Variants in RTTN observed in about 807,000 individuals in gnomAD.
RTTN encodes rotatin.
In RTTN, 182 loss-of-function variants were observed where a neutral mutation model predicts 269.2. The ratio of observed to expected loss-of-function variants is 0.68; its 90% CI spans 0.60 to 0.76. The LOEUF (loss-of-function observed/expected upper bound fraction) is 0.76. RTTN is among the 30% of genes least tolerant of loss of function. The pLI, the probability that RTTN is intolerant of heterozygous loss-of-function variation, is 0.00. For missense variants in RTTN, 2,545 were observed against 2,608.6 expected (o/e 0.98, Z 0.53); for synonymous variants, 1,006 against 963.5 (o/e 1.04, Z -0.82).
At chr18:70,051,579 T>G in intron 38 of RTTN, 31 bp from the exon 39 acceptor site, 1 of 1,523,396 alleles carries the variant, frequency 6.6e-7, no homozygotes, top group Non-Finnish European at 8.9e-7. Context: ...CTTCAAGTTA[T>G]TAACACAAAG....
intron 28 of RTTN, among the ~76,000 whole-genome samples, chr18:70,107,018 CTACA>C (rs2059338016): frequency 6.6e-6 from 1 of 152,102 alleles, no homozygotes; most frequent in Non-Finnish European, 1.5e-5. Context: ...AGTTTATTAC[CTACA>C]TAAACAGCAA....
chr18:70,199,938 T>C (rs1342707366), intron 4 of RTTN, among the ~76,000 whole-genome samples: 1 of 152,240 alleles, frequency 6.6e-6, no homozygotes, highest in Non-Finnish European at 1.5e-5. Flanking sequence ...TCAAATATCC[T>C]ATATGGTGTC....
At chr18:70,098,849 T>C (rs1295309629) in intron 28 of RTTN, among the ~76,000 whole-genome samples, 6 of 152,102 alleles carry the variant, frequency 3.9e-5, no homozygotes, top group African/African-American at 7.2e-5. Context: ...TGTTTCCAAG[T>C]TTTTCATTGT....
chr18:70,058,612 C>A (rs1030271809), intron 36 of RTTN, among the ~76,000 whole-genome samples: 21 of 151,980 alleles, frequency 1.4e-4, no homozygotes, highest in Non-Finnish European at 2.9e-4. Flanking sequence ...ATATGATAAG[C>A]CTTTGCCATA....
intron 13 of RTTN, 33 bp from the exon 14 acceptor site, chr18:70,166,221 A>C (rs2060982652): frequency 1.2e-6 from 2 of 1,609,490 alleles, no homozygotes; most frequent in Non-Finnish European, 1.7e-6. Context: ...AAGACATGTG[A>C]GGCAAGTAAG....
At chr18:70,197,981 C>T (rs1568557594) in intron 5 of RTTN, among the ~76,000 whole-genome samples, 1 of 152,168 alleles carries the variant, frequency 6.6e-6, no homozygotes. Context: ...CCACTAGACC[C>T]TCTCAAGAGC....
rs193073009 is a variant in RTTN, at chr18:70,121,005, C to T, written c.3528+551G>A. 3.3e-3 allele frequency among the ~76,000 whole-genome samples: 499 copies of T among 151,834 alleles called. 1 individual carries two copies. The highest frequency in any genetic ancestry group is 0.011 in the African/African-American group (468 of 41,368). ...GGCAGAGGTTGCAGTGAGCCAAGAT[C>T]GCACCATTGCATTCCAGCCTGGGTG... On this transcript the variant is annotated intron_variant, in intron 26 of 48. Transcript: ENST00000640769.
At chr18:70,101,782 G>C (rs2059174696) in intron 28 of RTTN, among the ~76,000 whole-genome samples, 2 of 152,074 alleles carry the variant, frequency 1.3e-5, no homozygotes, top group Non-Finnish European at 2.9e-5. Context: ...TTGTGTCTTT[G>C]TTCTCACTGG....
chr18:70,131,840 T>C (rs981716437), intron 23 of RTTN: 1 of 151,552 alleles, frequency 6.6e-6, no homozygotes, highest in Admixed American at 6.6e-5. Flanking sequence ...ATAATCTGTA[T>C]CCAAAAATAT....
chr18:70,115,731 T>C (rs2059588802), intron 26 of RTTN, among the ~76,000 whole-genome samples: 1 of 151,974 alleles, frequency 6.6e-6, no homozygotes, highest in African/African-American at 2.4e-5. Context: ...CTAGTGCATG[T>C]AAAAACATAC....
intron 28 of RTTN, among the ~76,000 whole-genome samples, chr18:70,106,589 T>C (rs961003886): frequency 6.6e-6 from 1 of 152,142 alleles, no homozygotes; most frequent in African/African-American, 2.4e-5. Context: ...TTAAAGTGCA[T>C]TTTTATTTTG....
At chr18:70,188,908 C>T (rs765680916) in intron 9 of RTTN, among the ~76,000 whole-genome samples, 2 of 152,138 alleles carry the variant, frequency 1.3e-5, no homozygotes, top group Non-Finnish European at 2.9e-5. Flanking sequence ...CAAAGTAAAA[C>T]AAACTACCAG....
chr18:70,163,180 G>A (rs556563238), intron 14 of RTTN, among the ~76,000 whole-genome samples: 9 of 148,268 alleles, frequency 6.1e-5, no homozygotes, highest in East Asian at 2.1e-4. Context: ...TCAAGAGATC[G>A]AGACCATCCT....
chr18:70,066,869 A>T (rs2058150145), intron 34 of RTTN, among the ~76,000 whole-genome samples: 2 of 152,226 alleles, frequency 1.3e-5, no homozygotes, highest in South Asian at 4.1e-4. Flanking sequence ...TTCTAATAGT[A>T]AAGAGAATAT....
intron 40 of RTTN, among the ~76,000 whole-genome samples, chr18:70,045,808 G>C (rs1432305163): frequency 1.3e-5 from 2 of 152,100 alleles, no homozygotes; most frequent in East Asian, 1.9e-4. Flanking sequence ...AGGAAACATG[G>C]TTTAAATAAT....
Position 70,006,411 on chromosome 18 carries a change from G to T in RTTN, c.6495C>A (p.Ala2165=). The change falls in exon 47 of 49, where the codon GCC becomes GCA. Residue 2165 remains alanine, a synonymous_variant. Coordinates refer to ENST00000640769, the MANE Select transcript of RTTN (RefSeq NM_173630.4). ...NQNAQRIGAA[A]LWALIYNYQK... is the part of the protein sequence containing the mutation. ...GATAATTGTAAATCAGAGCCCAAAGGGCAGCTGCTCCAATCCTCTGAGCAT... is the reference window on the plus strand; with the variant it reads ...GATAATTGTAAATCAGAGCCCAAAGTGCAGCTGCTCCAATCCTCTGAGCAT... The T allele has an allele frequency of 6.2e-7, 1 of 1,613,864 alleles. No homozygotes were observed. The highest frequency in any genetic ancestry group is 8.5e-7 in the Non-Finnish European group (1 of 1,179,800).
At chr18:70,009,282 G>A (rs1219775138) in intron 46 of RTTN, among the ~76,000 whole-genome samples, 1 of 151,916 alleles carries the variant, frequency 6.6e-6, no homozygotes, top group African/African-American at 2.4e-5. Flanking sequence ...ACGACAGGTG[G>A]GCACCACCAC....
chr18:70,099,984 C>A (rs962950748), intron 28 of RTTN, among the ~76,000 whole-genome samples: 5 of 152,292 alleles, frequency 3.3e-5, no homozygotes, highest in African/African-American at 4.8e-5. Context: ...GTTACTGTAG[C>A]CTTGTAGTAC....
At chr18:70,060,079 C>T (rs747911238) in intron 35 of RTTN, 37 bp from the exon 36 acceptor site, 2 of 1,513,288 alleles carry the variant, frequency 1.3e-6, no homozygotes, top group Admixed American at 1.9e-5. Context: ...TATTATTTAC[C>T]TTACAGCTAT....
Sources: gnomAD v4.1 joint callset for allele counts (sites outside exome capture counted in the v4.1 genomes callset) on GRCh38, gnomAD v4.1.1 for gene constraint, MANE v1.5 for transcripts, NCBI Gene and HGNC (gene_info 2026-07-23, HGNC 2026-07-21) for gene names.